Variants in PTPRD observed in about 807,000 individuals in gnomAD.
PTPRD encodes protein tyrosine phosphatase receptor type D.
In PTPRD, 34 loss-of-function variants were observed where a neutral mutation model predicts 214.5. That is an observed-to-expected ratio of 0.16 (90% CI 0.12 to 0.21). The LOEUF (loss-of-function observed/expected upper bound fraction) is 0.21, where lower values mean the gene tolerates loss of function less well. Among genes scored for constraint, PTPRD ranks in the 10% least tolerant of loss-of-function variants. PTPRD has a pLI of 1.00. For synonymous variants in PTPRD, 1,128 were observed against 845.7 expected, an observed-to-expected ratio of 1.33 and a Z score of -5.79; for missense variants, 2,545 against 2,398.7, an observed-to-expected ratio of 1.06 and a Z score of -1.27.
At chr9:10,047,911 C>G (rs748233953) in intron 3 of PTPRD, among the ~76,000 whole-genome samples, 10 of 152,044 alleles carry the variant, frequency 6.6e-5, no homozygotes, top group Non-Finnish European at 1.2e-4. Context: ...CTCTCACTAC[C>G]CACCTTACTC....
At chr9:9,861,148 C>T (rs541190232) in intron 5 of PTPRD, among the ~76,000 whole-genome samples, 1 of 152,280 alleles carries the variant, frequency 6.6e-6, no homozygotes, top group African/African-American at 2.4e-5. Flanking sequence ...TTCCTAACCA[C>T]ATTTTGACCA....
In PTPRD at chr9:10,388,480, C is replaced by CAA. The variant is rs5896391; in HGVS notation, c.-599-47465_-599-47464dup. Among the ~76,000 whole-genome samples the CAA allele has an allele frequency of 5.2e-5, 7 of 134,780 alleles. No homozygotes were observed. The South Asian group carries it at 1.2e-3, about 22-fold the overall frequency. 88.4% of individuals were successfully genotyped at this position (134,780 alleles called of 152,430 possible). On this transcript the variant is annotated intron_variant, in intron 2 of 45. Transcript: ENST00000381196. ...AATGAATGTCTAAATGGATAATTAGCAAAAAAAAAAAAAAAAGCTAATGGT... is the reference window on the plus strand; with the variant it reads ...AATGAATGTCTAAATGGATAATTAGCAAAAAAAAAAAAAAAAAAGCTAATGGT...
chr9:8,581,141 G>C (rs778861975), intron 14 of PTPRD, among the ~76,000 whole-genome samples: 2 of 151,940 alleles, frequency 1.3e-5, no homozygotes, highest in Non-Finnish European at 1.5e-5. Context: ...GGAACAGAGA[G>C]TCAAGTTAAA....
At chr9:9,899,300 C>G (rs912014097) in intron 5 of PTPRD, among the ~76,000 whole-genome samples, 1 of 151,850 alleles carries the variant, frequency 6.6e-6, no homozygotes, top group African/African-American at 2.4e-5. Context: ...TACTTCTGAA[C>G]CGTGCATCTA....
intron 11 of PTPRD, among the ~76,000 whole-genome samples, chr9:8,773,314 T>C (rs1383398672): frequency 6.6e-6 from 1 of 152,192 alleles, no homozygotes; most frequent in Non-Finnish European, 1.5e-5. Context: ...CCAGCTGCCT[T>C]AGCCTACCCA....
chr9:10,159,812 A>G (rs1400737724), intron 3 of PTPRD, among the ~76,000 whole-genome samples: 3 of 149,570 alleles, frequency 2.0e-5, no homozygotes, highest in Non-Finnish European at 4.5e-5. Flanking sequence ...ACACAGCTAG[A>G]GGGAAAAAAA....
At chr9:8,603,705 T>C (rs2095023000) in intron 14 of PTPRD, among the ~76,000 whole-genome samples, 1 of 152,192 alleles carries the variant, frequency 6.6e-6, no homozygotes, top group Non-Finnish European at 1.5e-5. Context: ...GAAAAGTACA[T>C]GTCCTAACTC....
chr9:9,875,946 G>C (rs2066732750), intron 5 of PTPRD, among the ~76,000 whole-genome samples: 1 of 152,112 alleles, frequency 6.6e-6, no homozygotes, highest in Non-Finnish European at 1.5e-5. Flanking sequence ...GGATGAGAGA[G>C]ACATATGACT....
Position 9,174,161 on chromosome 9 carries a change from GA to G in PTPRD, c.-143+9142del, listed in dbSNP as rs1025585059. 3.3e-5 allele frequency among the ~76,000 whole-genome samples: 5 copies of G among 151,686 alleles called. No homozygotes were observed. In the South Asian group the frequency reaches 8.3e-4, roughly 25 times the overall value. ...CCCCCAAATAAAACATTACCAACAG[GA>G]AAAAAAATCGTTATATAGAATACTT... On this transcript the variant is annotated intron_variant, in intron 10 of 45. Transcript: ENST00000381196.
At chr9:8,325,997 C>A (rs1833302655) in intron 44 of PTPRD, among the ~76,000 whole-genome samples, 1 of 152,118 alleles carries the variant, frequency 6.6e-6, no homozygotes, top group Non-Finnish European at 1.5e-5. Flanking sequence ...TCTAAATATA[C>A]AATGTTGTCA....
chr9:9,286,775 T>C (rs1415226938), intron 9 of PTPRD, among the ~76,000 whole-genome samples: 1 of 149,458 alleles, frequency 6.7e-6, no homozygotes, highest in Non-Finnish European at 1.5e-5. Context: ...TGTCTCATTT[T>C]TCTTTGATCT....
At chr9:9,618,287 T>G (rs987522881) in intron 7 of PTPRD, among the ~76,000 whole-genome samples, 1 of 151,948 alleles carries the variant, frequency 6.6e-6, no homozygotes, top group African/African-American at 2.4e-5. Context: ...GACAGTAGTA[T>G]TATCACAATT....
intron 34 of PTPRD, among the ~76,000 whole-genome samples, chr9:8,436,913 A>G (rs777095236): frequency 6.0e-4 from 92 of 152,284 alleles, no homozygotes; most frequent in Non-Finnish European, 1.1e-3. Flanking sequence ...CATAATCTCC[A>G]AACTAACACT....
chr9:8,692,540 G>C (rs895923416), intron 12 of PTPRD, among the ~76,000 whole-genome samples: 2 of 152,132 alleles, frequency 1.3e-5, no homozygotes. Context: ...TGAAAATAAA[G>C]AACGTATTAG....
intron 11 of PTPRD, among the ~76,000 whole-genome samples, chr9:8,738,141 T>G (rs566662793): frequency 6.6e-6 from 1 of 152,198 alleles, no homozygotes; most frequent in Non-Finnish European, 1.5e-5. Context: ...ACATGGGTGG[T>G]TGGAGAAACT....
intron 2 of PTPRD, among the ~76,000 whole-genome samples, chr9:10,354,451 T>C (rs2097237089): frequency 6.6e-6 from 1 of 152,184 alleles, no homozygotes; most frequent in Non-Finnish European, 1.5e-5. Flanking sequence ...TTCATCACTT[T>C]TATGAATGAA....
At chr9:9,584,733 C>T (rs1228098962) in intron 7 of PTPRD, among the ~76,000 whole-genome samples, 1 of 151,874 alleles carries the variant, frequency 6.6e-6, no homozygotes, top group Non-Finnish European at 1.5e-5. Context: ...ACCATGCACC[C>T]TTTATGCTTT....
At chr9:8,740,856 G>T (rs1004237137) in intron 11 of PTPRD, among the ~76,000 whole-genome samples, 3 of 152,062 alleles carry the variant, frequency 2.0e-5, no homozygotes, top group African/African-American at 7.2e-5. Flanking sequence ...GACCCCAGGG[G>T]ACTATAAGCA....
At chr9:8,887,725 G>A (rs769422352) in intron 11 of PTPRD, among the ~76,000 whole-genome samples, 4 of 152,158 alleles carry the variant, frequency 2.6e-5, no homozygotes, top group Non-Finnish European at 4.4e-5. Context: ...TACACTTGCA[G>A]AACACAAAAC....
Sources: allele counts gnomAD v4.1 joint callset (sites outside exome capture counted in the v4.1 genomes callset), GRCh38; gene constraint gnomAD v4.1.1; transcripts MANE v1.5; gene names NCBI Gene and HGNC (gene_info 2026-07-23, HGNC 2026-07-21).